Variants in OXCT1 observed in about 807,000 individuals in gnomAD.
OXCT1 encodes 3-oxoacid CoA-transferase 1, also known as succinyl-CoA:3-ketoacid coenzyme A transferase 1, mitochondrial.
Under a neutral mutation model 69.6 loss-of-function variants are expected in OXCT1, and 27 were observed. That is an observed-to-expected ratio of 0.39 (90% CI 0.29 to 0.54). OXCT1 has a LOEUF of 0.54. Among genes scored for constraint, OXCT1 ranks in the 20% least tolerant of loss-of-function variants. The pLI, the probability that OXCT1 is intolerant of heterozygous loss-of-function variation, is 0.72. For synonymous variants in OXCT1, 202 were observed against 217.8 expected (o/e 0.93, Z 0.64); for missense variants, 437 against 650.2 (o/e 0.67, Z 3.57).
At chr5:41,825,034 A>C (rs1366396623) in intron 7 of OXCT1, among the ~76,000 whole-genome samples, 1 of 152,230 alleles carries the variant, frequency 6.6e-6, no homozygotes, top group South Asian at 2.1e-4. Context: ...CTTTAAATGA[A>C]TCACCCAGAT....
rs145333580 is a variant in OXCT1, at chr5:41,812,017, C to T, written c.733-4579G>A. Among the ~76,000 whole-genome samples the T allele has an allele frequency of 4.6e-5, 7 of 152,032 alleles. No homozygotes were observed. The East Asian group carries it at 1.4e-3, about 30-fold the overall frequency. On this transcript the variant is annotated intron_variant, in intron 7 of 16. Transcript: ENST00000196371. ...CAAAAATTGGCTCAAATAAGAGATG[C>T]CAATTATTTGAACATCTTCTATTCA... is the stretch of plus-strand genomic sequence containing the variant.
chr5:41,774,630 TC>T (rs1246926102), intron 13 of OXCT1, among the ~76,000 whole-genome samples: 1 of 152,198 alleles, frequency 6.6e-6, no homozygotes, highest in Non-Finnish European at 1.5e-5. Context: ...GCACAGTGGC[TC>T]ATGCCTGTAA....
At chr5:41,739,595 G>A (rs1743058945) in intron 15 of OXCT1, 104 bp from the exon 16 acceptor site, 3 of 838,144 alleles carry the variant, frequency 3.6e-6, no homozygotes, top group Non-Finnish European at 6.0e-6. Context: ...GTCGGGTGTG[G>A]TGGCTCAGGC....
chr5:41,788,733 G>A (rs890420560), intron 13 of OXCT1, among the ~76,000 whole-genome samples: 1 of 152,172 alleles, frequency 6.6e-6, no homozygotes, highest in Non-Finnish European at 1.5e-5. Context: ...TGCTCTCTCA[G>A]TAATTGACAA....
chr5:41,756,707 A>AG (rs1744093019), intron 14 of OXCT1, among the ~76,000 whole-genome samples: 1 of 152,118 alleles, frequency 6.6e-6, no homozygotes, highest in Non-Finnish European at 1.5e-5. Context: ...CTGCTGAAGA[A>AG]GGGGGAGAAA....
chr5:41,843,743 C>A, intron 5 of OXCT1: 1 of 288,324 alleles, frequency 3.5e-6, no homozygotes, highest in East Asian at 9.2e-5. Flanking sequence ...CAAAAAGCTG[C>A]TATAGAAAAT....
chr5:41,762,369 G>T lies in OXCT1; in HGVS notation c.1249-169C>A, dbSNP rs985996796. Among the ~76,000 whole-genome samples, 2 of 152,026 alleles carry T rather than the reference G, an allele frequency of 1.3e-5. No individual in the cohort carries two copies. Among genetic ancestry groups the T allele is most frequent in the Admixed American group, 6.6e-5 (1 of 15,238 alleles). ...TATTCTGTCACTCTATTATTCTGTG[G>T]TTGAAGGATAAAGTTCAGGATAAAC... is the stretch of plus-strand genomic sequence containing the variant. On this transcript the variant is annotated intron_variant, in intron 13 of 16. Coordinates refer to ENST00000196371, the MANE Select transcript of OXCT1 (RefSeq NM_000436.4). This position sits in a 1 kb window ranked among gnomAD's most constrained non-coding sequence, Gnocchi z 4.0.
intron 7 of OXCT1, among the ~76,000 whole-genome samples, chr5:41,820,588 G>T (rs1561103464): frequency 6.6e-6 from 1 of 152,094 alleles, no homozygotes; most frequent in Non-Finnish European, 1.5e-5. Context: ...TTTATGTAAT[G>T]AAATATATAT....
At chr5:41,776,129 T>C (rs1745109232) in intron 13 of OXCT1, among the ~76,000 whole-genome samples, 1 of 152,196 alleles carries the variant, frequency 6.6e-6, no homozygotes. Flanking sequence ...ATGATATTCT[T>C]TCTAAAAACC....
At chr5:41,741,611 C>A (rs1743173617) in intron 15 of OXCT1, among the ~76,000 whole-genome samples, 1 of 152,040 alleles carries the variant, frequency 6.6e-6, no homozygotes. Context: ...AGATCAAAGC[C>A]CTGGAATGAT....
In OXCT1 at chr5:41,794,098, A is replaced by T; in HGVS notation, c.1173-20T>A. The T allele has an allele frequency of 1.3e-6, 2 of 1,585,072 alleles. No homozygotes were observed. Among genetic ancestry groups the T allele is most frequent in the Non-Finnish European group, 1.7e-6 (2 of 1,153,520 alleles). On this transcript the variant is annotated intron_variant, in intron 12 of 16. Coordinates refer to ENST00000196371, the MANE Select transcript of OXCT1 (RefSeq NM_000436.4). ...TGTCCACTGAGAAAGAAAGAGGAAG[A>T]ATAAAGTGAACCTCATAAGCTTTTG...
chr5:41,759,089 T>C (rs1272109656), intron 14 of OXCT1, among the ~76,000 whole-genome samples: 1 of 108,038 alleles, frequency 9.3e-6, no homozygotes, highest in Non-Finnish European at 2.0e-5. Context: ...CCAGGGAAAA[T>C]GAAAAAAAAA....
At chr5:41,736,298 C>T (rs1015419527) in intron 16 of OXCT1, among the ~76,000 whole-genome samples, 1 of 152,320 alleles carries the variant, frequency 6.6e-6, no homozygotes, top group South Asian at 2.1e-4. Flanking sequence ...ATTTCCACAG[C>T]CTCTACCAAG....
At chr5:41,789,033 A>G (rs1359710789) in intron 13 of OXCT1, among the ~76,000 whole-genome samples, 8 of 152,258 alleles carry the variant, frequency 5.3e-5, no homozygotes, top group Non-Finnish European at 2.9e-5. Flanking sequence ...CATACAAAAA[A>G]TAACAAGGAA....
intron 7 of OXCT1, among the ~76,000 whole-genome samples, chr5:41,815,893 T>A (rs1394934738): frequency 6.6e-6 from 1 of 152,184 alleles, no homozygotes; most frequent in Non-Finnish European, 1.5e-5. Context: ...AACTAAAATT[T>A]AAAATGTTAC....
At chr5:41,778,973 T>C (rs866989019) in intron 13 of OXCT1, among the ~76,000 whole-genome samples, 5 of 152,354 alleles carry the variant, frequency 3.3e-5, no homozygotes, top group East Asian at 1.9e-4. Context: ...AATATTGGAA[T>C]GTGATTTTCA....
chr5:41,845,537 G>A (rs1483505518), intron 5 of OXCT1, among the ~76,000 whole-genome samples: 1 of 151,358 alleles, frequency 6.6e-6, no homozygotes, highest in Non-Finnish European at 1.5e-5. Context: ...CACTAATTTA[G>A]AAATGAACTC....
At chr5:41,814,657 T>G in intron 7 of OXCT1, among the ~76,000 whole-genome samples, 1 of 138,296 alleles carries the variant, frequency 7.2e-6, no homozygotes, top group East Asian at 2.2e-4. Context: ...TTCTCACTCA[T>G]AGGTGGGAAT....
chr5:41,867,328 A>G (rs940120943), intron 1 of OXCT1, among the ~76,000 whole-genome samples: 15 of 152,252 alleles, frequency 9.9e-5, no homozygotes, highest in African/African-American at 3.6e-4. Context: ...AATATTGAAA[A>G]TAAAACCCAG....
Sources: gnomAD v4.1 joint callset for allele counts (sites outside exome capture counted in the v4.1 genomes callset) on GRCh38, gnomAD v4.1.1 for gene constraint, Gnocchi (gnomAD v3.1) non-coding constraint, MANE v1.5 for transcripts, NCBI Gene and HGNC (gene_info 2026-07-23, HGNC 2026-07-21) for gene names.